Variants in EML2 observed in about 807,000 individuals in gnomAD.
EML2 encodes EMAP like 2.
EML2 carries 59 observed loss-of-function variants against 84.7 expected under a neutral mutation model. That is an observed-to-expected ratio of 0.70 (90% confidence interval 0.56 to 0.86). EML2 has a LOEUF of 0.86. Ranked by LOEUF, EML2 falls within the 40% of genes least tolerant of loss-of-function variation. The probability of loss-of-function intolerance (pLI) is 0.00; values close to 1 mark genes in which losing one functional copy is unlikely to be tolerated. For synonymous variants in EML2, 352 were observed against 348.9 expected (o/e 1.01, Z -0.10); for missense variants, 818 against 855.6 (o/e 0.96, Z 0.55).
chr19:45,611,029 A>C (rs779690900), intron 18 of EML2, among the ~76,000 whole-genome samples: 1 of 152,194 alleles, frequency 6.6e-6, no homozygotes, highest in Admixed American at 6.6e-5. Context: ...TCTGGGGCAC[A>C]TCAGGGAAAT....
rs753868364 is a variant in EML2, at chr19:45,630,062, G to A, written c.511-16C>T. 5 of 1,599,706 alleles carry A rather than the reference G, an allele frequency of 3.1e-6. No homozygotes were observed. The highest frequency in any genetic ancestry group is 4.3e-6 in the Non-Finnish European group (5 of 1,168,658). ...TGCCTCCATTCTAAAGAGGAGGAGA[G>A]AGGAGGGGGACAGAGGCAAGGGGAG... On this transcript the variant is annotated splice_polypyrimidine_tract_variant and intron_variant, in intron 6 of 18. Coordinates refer to ENST00000245925, the MANE Select transcript of EML2 (RefSeq NM_012155.4).
At chr19:45,621,441 G>A (rs754800390) in intron 10 of EML2, 42 bp downstream of exon 10, 6 of 1,592,694 alleles carry the variant, frequency 3.8e-6, no homozygotes, top group Non-Finnish European at 4.3e-6. Context: ...GAGATCGGGG[G>A]GGGCCTCTCT....
intron 18 of EML2, among the ~76,000 whole-genome samples, chr19:45,611,044 A>G (rs1025719581): frequency 6.6e-6 from 1 of 152,160 alleles, no homozygotes; most frequent in Admixed American, 6.6e-5. Flanking sequence ...GGAAATATGA[A>G]TATGTACTGG....
At chr19:45,638,437 G>T (rs1600224209) in intron 3 of EML2, 68 bp downstream of exon 3, 1 of 1,606,474 alleles carries the variant, frequency 6.2e-7, no homozygotes, top group East Asian at 2.2e-5. Context: ...GGCCTGAGCT[G>T]CCTTGACCGC....
At chr19:45,613,766 C>T (rs1466798659) in intron 17 of EML2, 95 bp from the exon 18 acceptor site, 14 of 1,469,032 alleles carry the variant, frequency 9.5e-6, no homozygotes, top group East Asian at 2.3e-5. Context: ...TAATTTGTTC[C>T]GACCTAGCCT....
intron 16 of EML2, 123 bp from the exon 17 acceptor site, chr19:45,614,823 T>C (rs1970846730): frequency 1.3e-6 from 1 of 767,264 alleles, no homozygotes; most frequent in African/African-American, 1.7e-5. Context: ...GGGCTCATTC[T>C]ACCTGTCAGG....
Position 45,633,145 on chromosome 19 carries a change from G to T in EML2, c.330-6C>A. The T allele has an allele frequency of 1.2e-6, 2 of 1,605,960 alleles. No homozygotes were observed. Among genetic ancestry groups the T allele is most frequent in the Non-Finnish European group, 1.7e-6 (2 of 1,176,536 alleles). The stretch of plus-strand genomic sequence containing the variant: ...TATCTGGGTGGATGGCCAAGCTGCG[G>T]AAAGAAGGGACAGAGAGACCAGGGC... On this transcript the variant is annotated splice_region_variant and splice_polypyrimidine_tract_variant and intron_variant, in intron 4 of 18. Transcript: ENST00000245925.
At chr19:45,637,470 ATTTTTTTTT>A (rs66503218) in intron 3 of EML2, among the ~76,000 whole-genome samples, 6 of 101,634 alleles carry the variant, frequency 5.9e-5, no homozygotes, top group Admixed American at 2.4e-4. Context: ...ATTATTTTGG[ATTTTTTTTT>A]TTTTTTTTTT....
In EML2 at chr19:45,618,237, T is replaced by G. The variant is rs571751478; in HGVS notation, c.1255-540A>C. Among the ~76,000 whole-genome samples, 31 of 139,090 alleles carry G rather than the reference T, an allele frequency of 2.2e-4. 1 individual carries two copies. In the South Asian group the frequency reaches 5.0e-3, roughly 22 times the overall value. The allele number at this position is 139,090 out of a possible 152,430, so 91.2% of individuals were successfully genotyped here. On this transcript the variant is annotated intron_variant, in intron 12 of 18. Transcript: ENST00000245925. ...CACCACCACGCCCGGCTAATTTTTGTTTTTTTTTTTTCATTTTTTGTAAAG... is the reference window on the plus strand; with the variant it reads ...CACCACCACGCCCGGCTAATTTTTGGTTTTTTTTTTTCATTTTTTGTAAAG...
At chr19:45,612,994 C>T (rs1970653048) in intron 18 of EML2, among the ~76,000 whole-genome samples, 1 of 152,028 alleles carries the variant, frequency 6.6e-6, no homozygotes, top group South Asian at 2.1e-4. Context: ...ACCTCCTGGG[C>T]TCAAGCAATC....
chr19:45,630,841 TTTTG>T (rs1377082623), intron 6 of EML2, among the ~76,000 whole-genome samples: 18 of 152,096 alleles, frequency 1.2e-4, no homozygotes, highest in African/African-American at 3.9e-4. Context: ...TATGTTGGGT[TTTTG>T]TTTGTTTTTT....
chr19:45,640,644 C>T (rs1292364497), upstream of EML2: 1 of 152,216 alleles, frequency 6.6e-6, no homozygotes, highest in Admixed American at 6.5e-5. Flanking sequence ...GTCTCGATCT[C>T]TTGACCTTGT....
chr19:45,611,077 T>C (rs907403641), intron 18 of EML2, among the ~76,000 whole-genome samples: 3 of 151,786 alleles, frequency 2.0e-5, no homozygotes, highest in African/African-American at 7.3e-5. Flanking sequence ...ATTTAGGAAT[T>C]AACGTTTTGT....
upstream of EML2, chr19:45,645,368 C>G (rs1186507334): frequency 2.0e-6 from 3 of 1,525,152 alleles, no homozygotes; most frequent in Non-Finnish European, 2.6e-6. Flanking sequence ...GCCGGCCCCC[C>G]CGGTCCCAGC....
intron 15 of EML2, 36 bp from the exon 16 acceptor site, chr19:45,615,925 G>A: frequency 6.5e-7 from 1 of 1,538,826 alleles, no homozygotes; most frequent in Non-Finnish European, 9.0e-7. Context: ...TAGAGCTGCA[G>A]AGGGCGGAAC....
Position 45,614,702 on chromosome 19 carries a change from T to G in EML2, c.1598-2A>C. ...TCTGCTTACAGGTAGCCGGGTCCCC[T>G]GGGGCAGAAAATGGGAGGAGACATT... On this transcript the variant is annotated splice_acceptor_variant, in intron 16 of 18. Coordinates refer to ENST00000245925, the MANE Select transcript of EML2 (RefSeq NM_012155.4). LOFTEE classifies it high-confidence loss of function. 6.2e-7 allele frequency: 1 copy of G among 1,613,472 alleles called. No individual in the cohort carries two copies. Among genetic ancestry groups the G allele is most frequent in the South Asian group, 1.1e-5 (1 of 91,066 alleles).
chr19:45,638,926 AG>A, intron 1 of EML2, 53 bp from the exon 2 acceptor site: 1 of 1,606,688 alleles, frequency 6.2e-7, no homozygotes, highest in Non-Finnish European at 8.5e-7. Flanking sequence ...AGTTCAGAAA[AG>A]GGGAGAAACC....
At chr19:45,614,099 C>T (rs111243598) in intron 17 of EML2, among the ~76,000 whole-genome samples, 66 of 152,200 alleles carry the variant, frequency 4.3e-4, no homozygotes, top group African/African-American at 1.2e-3. Context: ...TCCTCATCCT[C>T]CAGGTCCTAG....
intron 3 of EML2, among the ~76,000 whole-genome samples, chr19:45,635,684 C>G (rs1159504277): frequency 2.0e-5 from 3 of 150,558 alleles, no homozygotes; most frequent in Non-Finnish European, 4.4e-5. Flanking sequence ...CCTCCACCTC[C>G]CGGGTTCAAG....
Sources: allele counts gnomAD v4.1 joint callset (sites outside exome capture counted in the v4.1 genomes callset), GRCh38; gene constraint gnomAD v4.1.1; transcripts MANE v1.5; gene names NCBI Gene and HGNC (gene_info 2026-07-23, HGNC 2026-07-21).